Variants in SPAG17 observed in about 807,000 individuals in gnomAD.
SPAG17 encodes sperm associated antigen 17.
A neutral mutation model predicts 273.6 loss-of-function variants in SPAG17; 169 were observed. The ratio of observed to expected loss-of-function variants is 0.62; its 90% CI spans 0.55 to 0.70. The LOEUF is 0.70. Ranked by LOEUF, SPAG17 falls within the 30% of genes least tolerant of loss-of-function variation. The probability of loss-of-function intolerance (pLI) is 0.00; values close to 1 mark genes in which losing one functional copy is unlikely to be tolerated. For missense variants in SPAG17, 2,557 were observed against 2,627.8 expected, an observed-to-expected ratio of 0.97 and a Z score of 0.59; for synonymous variants, 825 against 873.2, an observed-to-expected ratio of 0.94 and a Z score of 0.97.
At chr1:118,056,855 A>G (rs186614401) in intron 18 of SPAG17, among the ~76,000 whole-genome samples, 4 of 152,302 alleles carry the variant, frequency 2.6e-5, no homozygotes, top group Admixed American at 2.6e-4. Context: ...TGAACTCTGG[A>G]TCTACTCCAA....
intron 1 of SPAG17, among the ~76,000 whole-genome samples, chr1:118,170,562 A>C (rs899321485): frequency 6.6e-6 from 1 of 152,212 alleles, no homozygotes; most frequent in Non-Finnish European, 1.5e-5. Flanking sequence ...AAGGTGTATT[A>C]GATGCCATGT....
chr1:117,982,241 A>ATTTTTTT (rs763137879), intron 42 of SPAG17, among the ~76,000 whole-genome samples: 1 of 132,756 alleles, frequency 7.5e-6, no homozygotes, highest in Non-Finnish European at 1.6e-5. Flanking sequence ...CTATCTGCTT[A>ATTTTTTT]TTTTTTTTTT....
chr1:118,170,571 GT>G (rs1048589236), intron 1 of SPAG17, among the ~76,000 whole-genome samples: 3 of 152,160 alleles, frequency 2.0e-5, no homozygotes, highest in African/African-American at 4.8e-5. Context: ...TAGATGCCAT[GT>G]TTTATGGAAA....
chr1:118,120,283 T>TA (rs5777335), intron 3 of SPAG17, among the ~76,000 whole-genome samples: 150,507 of 150,770 alleles, frequency 1, 75,122 homozygotes, highest in Middle Eastern at 1. Context: ...CTAGTGAGAT[T>TA]AAAAAAAAAC....
rs140404137 is a variant in SPAG17 at position 118,031,816 on chromosome 1, G to A, written c.3485C>T (p.Thr1162Ile). 8.2e-5 allele frequency: 133 copies of A among 1,613,742 alleles called. No individual in the cohort carries two copies. The African/African-American group carries it at 1.7e-3, about 21-fold the overall frequency. The change falls in exon 25 of 49, where the codon ACT becomes ATT. Residue 1162 changes from threonine (T) to isoleucine (I), a missense_variant. Coordinates refer to ENST00000336338, the MANE Select transcript of SPAG17 (RefSeq NM_206996.4). ...ETILNIPSAL[T>I]PTVVPVIVTV... is the part of the protein sequence containing the mutation. ...CACTATAACAGGAACCACTGTTGGA[G>A]TGAGTGCTGAAGGGATATTCAATAT...
intron 20 of SPAG17, among the ~76,000 whole-genome samples, chr1:118,044,158 T>C (rs1206245325): frequency 1.3e-5 from 2 of 152,214 alleles, no homozygotes; most frequent in Admixed American, 6.5e-5. Context: ...ACTTTTGTTT[T>C]CCTAGAGAGC....
chr1:117,961,312 T>C (rs983055064), intron 48 of SPAG17: 2 of 152,104 alleles, frequency 1.3e-5, no homozygotes, highest in Admixed American at 6.6e-5. Context: ...AAAAAATCTG[T>C]ATAACAGTGG....
At chr1:118,184,200 T>C (rs1484910571) in intron 1 of SPAG17, among the ~76,000 whole-genome samples, 1 of 151,634 alleles carries the variant, frequency 6.6e-6, no homozygotes. Flanking sequence ...TACAGACATA[T>C]ATAAAATGAA....
In SPAG17 at chr1:118,062,720, G is replaced by C. The variant is rs1223211652; in HGVS notation, c.2540+4025C>G. ...TTTCCCATTAATTAATGGAATTTTT[G>C]ACCAAGTCCTCAAAAATCCAAAAGA... On this transcript the variant is annotated intron_variant, in intron 18 of 48. Coordinates refer to ENST00000336338, the MANE Select transcript of SPAG17 (RefSeq NM_206996.4). Among the ~76,000 whole-genome samples, 7 of 151,910 alleles carry C rather than the reference G, an allele frequency of 4.6e-5. No individual in the cohort carries two copies. In the East Asian group the frequency reaches 1.4e-3, roughly 29 times the overall value.
intron 20 of SPAG17, among the ~76,000 whole-genome samples, chr1:118,047,489 T>A (rs1358596711): frequency 6.6e-6 from 1 of 151,970 alleles, no homozygotes; most frequent in African/African-American, 2.4e-5. Flanking sequence ...GGTCGCGTAC[T>A]CCAGGCTGCC....
At chr1:118,141,045 TCAGCCTA>T (rs1658653716) in intron 3 of SPAG17, among the ~76,000 whole-genome samples, 1 of 152,186 alleles carries the variant, frequency 6.6e-6, no homozygotes, top group Non-Finnish European at 1.5e-5. Context: ...CTCCAAACAC[TCAGCCTA>T]CAGTGTTTTC....
At chr1:118,079,940 T>G (rs1230654482) in intron 15 of SPAG17, among the ~76,000 whole-genome samples, 3 of 152,210 alleles carry the variant, frequency 2.0e-5, no homozygotes, top group Non-Finnish European at 4.4e-5. Context: ...ATTTAGGTGT[T>G]GTTTAATATG....
intron 1 of SPAG17, among the ~76,000 whole-genome samples, chr1:118,171,958 T>A: frequency 6.6e-6 from 1 of 152,140 alleles, no homozygotes; most frequent in East Asian, 1.9e-4. Flanking sequence ...TGTAAAAGGA[T>A]CAAATTAGCC....
intron 3 of SPAG17, among the ~76,000 whole-genome samples, chr1:118,122,926 T>C (rs1224045765): frequency 6.6e-6 from 1 of 152,178 alleles, no homozygotes; most frequent in Non-Finnish European, 1.5e-5. Context: ...GTGACCTGAA[T>C]TTATTATCAA....
intron 43 of SPAG17, among the ~76,000 whole-genome samples, chr1:117,980,268 G>T (rs1655640638): frequency 6.6e-6 from 1 of 151,800 alleles, no homozygotes; most frequent in African/African-American, 2.4e-5. Context: ...GTCTCGCTCT[G>T]TTGCCTAGGC....
intron 29 of SPAG17, among the ~76,000 whole-genome samples, chr1:118,015,456 GT>G (rs1373875830): frequency 6.6e-6 from 1 of 152,022 alleles, no homozygotes; most frequent in Non-Finnish European, 1.5e-5. Flanking sequence ...TATTTAATGT[GT>G]GTCTTATCTC....
intron 26 of SPAG17, among the ~76,000 whole-genome samples, chr1:118,026,541 C>T (rs1182322793): frequency 6.6e-6 from 1 of 151,982 alleles, no homozygotes; most frequent in Non-Finnish European, 1.5e-5. Flanking sequence ...ATGTTAAATG[C>T]TTTATATATG....
Position 117,970,015 on chromosome 1 carries a change from A to G in SPAG17, c.6387+41T>C, listed in dbSNP as rs749163900. 4.4e-6 allele frequency: 7 copies of G among 1,573,714 alleles called. No homozygotes were observed. In the South Asian group the frequency reaches 6.8e-5, roughly 15 times the overall value. On this transcript the variant is annotated intron_variant, in intron 46 of 48. Coordinates refer to ENST00000336338, the MANE Select transcript of SPAG17 (RefSeq NM_206996.4). ...TGGAAACCTATACATAGTCACTTGC[A>G]TGCACGCAAGCACACACAACAGATG...
At chr1:118,177,770 A>G (rs1235439689) in intron 1 of SPAG17, among the ~76,000 whole-genome samples, 1 of 152,158 alleles carries the variant, frequency 6.6e-6, no homozygotes, top group Non-Finnish European at 1.5e-5. Context: ...GCAAAGAATC[A>G]TGAGAGACTA....
Sources: allele counts gnomAD v4.1 joint callset (sites outside exome capture counted in the v4.1 genomes callset), GRCh38; gene constraint gnomAD v4.1.1; transcripts MANE v1.5; gene names NCBI Gene and HGNC (gene_info 2026-07-23, HGNC 2026-07-21).